CACNA1B: variants seen among roughly 807,000 people sequenced by gnomAD.
CACNA1B encodes voltage-dependent N-type calcium channel subunit alpha-1B.
CACNA1B carries 70 observed loss-of-function variants against 247.2 expected under a neutral mutation model. That is an observed-to-expected ratio of 0.28 (90% confidence interval 0.23 to 0.35). CACNA1B has a LOEUF of 0.35. Ranked by LOEUF, CACNA1B falls within the 10% of genes least tolerant of loss-of-function variation. CACNA1B has a pLI of 1.00. For missense variants in CACNA1B, 2,367 were observed against 3,197.4 expected (o/e 0.74, Z 6.26); for synonymous variants, 1,231 against 1,294.4 (o/e 0.95, Z 1.05).
intron 44 of CACNA1B, 57 bp downstream of exon 44, chr9:138,118,825 G>C: frequency 1.3e-6 from 1 of 777,838 alleles, no homozygotes; most frequent in Non-Finnish European, 2.1e-6. Context: ...GTGGGGAAGT[G>C]GGGCTGTGGC....
rs1283131270 is a variant in CACNA1B at position 138,118,654 on chromosome 9, TGTGGAC to T, written c.5919_5924del (p.Asp1974_Val1975del). ...CTAGGTGAGTGCTGTATCCACAGGC[TGTGGAC>T]GTTCAGATGCAGAGCATAACCCGGA... On this transcript the variant is annotated inframe_deletion, in exon 44 of 47. Transcript: ENST00000371372. 6.7e-7 allele frequency: 1 copy of T among 1,490,256 alleles called. No individual in the cohort carries two copies. The highest frequency in any genetic ancestry group is 9.2e-7 in the Non-Finnish European group (1 of 1,087,576). The allele number at this position is 1,490,256 out of a possible 1,614,324, so 92.3% of individuals were successfully genotyped here.
At chr9:137,890,791 G>A (rs1302638446) in intron 3 of CACNA1B, 1 of 150,022 alleles carries the variant, frequency 6.7e-6, no homozygotes, top group African/African-American at 2.4e-5. Context: ...AGAGTGTGGT[G>A]GGGACAGTGA....
chr9:137,956,019 T>C (rs1014021012), intron 8 of CACNA1B, among the ~76,000 whole-genome samples: 5 of 152,180 alleles, frequency 3.3e-5, no homozygotes, highest in Admixed American at 3.3e-4. Flanking sequence ...ACAGTGGCCT[T>C]TTAAATGGAG....
chr9:137,899,557 T>C lies in CACNA1B; in HGVS notation c.531-13623T>C, dbSNP rs759963806. Reference sequence around the variant, plus strand: ...CCCCTGTCCTTGCTTTGGAGCAGGCTAGGTGGCTCCCACTTCTTGGCCTGT... The same window carrying C: ...CCCCTGTCCTTGCTTTGGAGCAGGCCAGGTGGCTCCCACTTCTTGGCCTGT... On this transcript the variant is annotated intron_variant, in intron 3 of 46. Coordinates refer to ENST00000371372, the MANE Select transcript of CACNA1B (RefSeq NM_000718.4). This position sits in a 1 kb window ranked among gnomAD's most constrained non-coding sequence, Gnocchi z 5.0. Among the ~76,000 whole-genome samples the C allele has an allele frequency of 2.4e-4, 37 of 152,172 alleles. No homozygotes were observed. The highest frequency in any genetic ancestry group is 4.4e-4 in the Non-Finnish European group (30 of 68,018).
intron 6 of CACNA1B, among the ~76,000 whole-genome samples, chr9:137,948,688 G>A (rs553784129): frequency 4.0e-5 from 6 of 148,688 alleles, no homozygotes; most frequent in Non-Finnish European, 7.4e-5. Context: ...TGTGTGGTGT[G>A]CATGTGTGTG....
intron 15 of CACNA1B, among the ~76,000 whole-genome samples, chr9:137,988,100 T>C (rs1472984927): frequency 6.6e-6 from 1 of 152,246 alleles, no homozygotes; most frequent in Non-Finnish European, 1.5e-5. Flanking sequence ...TTCCAGACTT[T>C]GGTCTCCCAG....
chr9:138,038,591 G>C (rs1368970478), intron 20 of CACNA1B, among the ~76,000 whole-genome samples: 1 of 152,250 alleles, frequency 6.6e-6, no homozygotes, highest in African/African-American at 2.4e-5. Flanking sequence ...AGGAGAGCCA[G>C]CTCTCTGGCT....
intron 5 of CACNA1B, among the ~76,000 whole-genome samples, chr9:137,915,181 A>G (rs1317357321): frequency 1.3e-5 from 2 of 152,234 alleles, no homozygotes; most frequent in African/African-American, 2.4e-5. Context: ...TAGTAGTAGT[A>G]GTAGGTGCAA....
chr9:138,050,675 C>T lies in CACNA1B; in HGVS notation c.3710+1360C>T, dbSNP rs1959243352. 6.6e-6 allele frequency among the ~76,000 whole-genome samples: 1 copy of T among 152,156 alleles called. No individual in the cohort carries two copies. The highest frequency in any genetic ancestry group is 2.4e-5 in the African/African-American group (1 of 41,430). On this transcript the variant is annotated intron_variant, in intron 24 of 46. Transcript: ENST00000371372. This position sits in a 1 kb window ranked among gnomAD's most constrained non-coding sequence, Gnocchi z 5.2. Reference sequence around the variant, plus strand: ...TTCAGAGCAGGAGAAAAGGAGCAGGCCCCAGATGGACGCTCCCCCAGAAAG... The same window carrying T: ...TTCAGAGCAGGAGAAAAGGAGCAGGTCCCAGATGGACGCTCCCCCAGAAAG...
intron 35 of CACNA1B, among the ~76,000 whole-genome samples, 177 bp from the exon 36 acceptor site, chr9:138,077,937 T>A (rs1262686708): frequency 6.6e-6 from 1 of 152,238 alleles, no homozygotes; most frequent in Non-Finnish European, 1.5e-5. Context: ...ATGCTCAGTT[T>A]GGAAATCTAG....
At chr9:138,083,391 A>G (rs1020336572) in intron 36 of CACNA1B, among the ~76,000 whole-genome samples, 5 of 151,032 alleles carry the variant, frequency 3.3e-5, no homozygotes, top group African/African-American at 9.8e-5. Flanking sequence ...CTCCATGCCC[A>G]TAGGCCAGAG....
At chr9:137,926,654 G>A (rs541918171) in intron 6 of CACNA1B, among the ~76,000 whole-genome samples, 10 of 152,274 alleles carry the variant, frequency 6.6e-5, no homozygotes, top group African/African-American at 2.4e-4. Context: ...CCACCTTTTG[G>A]TGGGAATACA....
At position 138,058,340 on chromosome 9, in the gene CACNA1B, T is replaced by C; in HGVS notation, c.4308+90T>C. On this transcript the variant is annotated intron_variant, in intron 28 of 46. Coordinates refer to ENST00000371372, the MANE Select transcript of CACNA1B (RefSeq NM_000718.4). The surrounding 1 kb of genome is among the most constrained non-coding windows in gnomAD (Gnocchi z 4.7). Reference sequence around the variant, plus strand: ...TGCACACAAATCACTCACAGCTGGGTCAGCTTTGGCTGCCACCGTCTGCCA... The same window carrying C: ...TGCACACAAATCACTCACAGCTGGGCCAGCTTTGGCTGCCACCGTCTGCCA... The C allele has an allele frequency of 2.5e-6, 3 of 1,211,038 alleles. No individual in the cohort carries two copies. The highest frequency in any genetic ancestry group is 1.3e-5 in the South Asian group (1 of 78,636). 75.0% of individuals were successfully genotyped at this position (1,211,038 alleles called of 1,614,324 possible). A position where few individuals can be genotyped will look rare whatever the true frequency, so the allele number is the denominator to read the frequency against.
rs3816538 is a variant in CACNA1B, at chr9:138,115,905, G to C, written c.5777+226G>C. On this transcript the variant is annotated intron_variant, in intron 42 of 46. Coordinates refer to ENST00000371372, the MANE Select transcript of CACNA1B (RefSeq NM_000718.4). ...CCCCTAGGCCACATCTCAGTTCTCAGGGGCTGGCTTTGCTACAGATGCTTG... is the reference window on the plus strand; with the variant it reads ...CCCCTAGGCCACATCTCAGTTCTCACGGGCTGGCTTTGCTACAGATGCTTG... Among the ~76,000 whole-genome samples, 6,939 of 152,306 alleles carry C rather than the reference G, an allele frequency of 0.046. 270 individuals carry two copies. Among genetic ancestry groups the C allele is most frequent in the East Asian group, 0.17 (884 of 5,166 alleles).
In CACNA1B at chr9:138,121,997, T is replaced by C. The variant is rs950121824; in HGVS notation, c.7018T>C (p.Ter2340GlnextTer38). The change falls in exon 47 of 47, where the codon TAG becomes CAG. Residue 2340 changes from the stop codon to glutamine (Q), a stop_lost. Coordinates refer to ENST00000371372, the MANE Select transcript of CACNA1B (RefSeq NM_000718.4). This position sits in a 1 kb window ranked among gnomAD's most constrained non-coding sequence, Gnocchi z 6.8. The part of the protein sequence containing the change: ...YHHPDQDHWC[*>Q] ...CCACCCTGACCAAGACCACTGGTGC[T>C]AGCTGCACCGTGACCGCTCAGACGC... 4 of 1,596,264 alleles carry C rather than the reference T, an allele frequency of 2.5e-6. No individual in the cohort carries two copies. Among genetic ancestry groups the C allele is most frequent in the African/African-American group, 2.7e-5 (2 of 74,940 alleles).
chr9:137,892,772 C>A (rs950870602), intron 3 of CACNA1B, among the ~76,000 whole-genome samples: 2 of 152,220 alleles, frequency 1.3e-5, no homozygotes, highest in African/African-American at 2.4e-5. Context: ...GGGAGTACAG[C>A]GTGTGGGGAG....
chr9:137,970,917 A>AAACAGGCAGCCCATGCGTGCT (rs1958138635), intron 10 of CACNA1B, among the ~76,000 whole-genome samples: 3 of 152,340 alleles, frequency 2.0e-5, no homozygotes, highest in South Asian at 4.1e-4. Flanking sequence ...ACTGCTTAGA[A>AAACAGGCAGCCCATGCGTGCT]AACAGGCAGC....
At position 138,023,788 on chromosome 9, in the gene CACNA1B, G is replaced by C; in HGVS notation, c.3045G>C (p.Lys1015Asn). The C allele has an allele frequency of 6.8e-7, 1 of 1,469,282 alleles. No homozygotes were observed. The highest frequency in any genetic ancestry group is 9.3e-7 in the Non-Finnish European group (1 of 1,073,870). 91.0% of individuals were successfully genotyped at this position (1,469,282 alleles called of 1,614,324 possible). A position where few individuals can be genotyped will look rare whatever the true frequency, so the allele number is the denominator to read the frequency against. ...EAEIVEADKE[K>N]ELRNHQPREP... is the part of the protein sequence containing the mutation. The stretch of plus-strand genomic sequence containing the variant: ...AGATAGTGGAAGCCGACAAGGAAAA[G>C]GAGCTCCGGAACCACCAGCCCCGGT... The change falls in exon 19 of 47, where the codon AAG becomes AAC. Residue 1015 changes from lysine (K) to asparagine (N), a missense_variant. Lys to Asn is a moderately conservative substitution (Grantham distance 94, BLOSUM62 0). Transcript: ENST00000371372.
intron 20 of CACNA1B, among the ~76,000 whole-genome samples, chr9:138,032,266 T>A (rs1045627904): frequency 6.6e-6 from 1 of 152,160 alleles, no homozygotes; most frequent in Non-Finnish European, 1.5e-5. Flanking sequence ...TACCAGTTCA[T>A]GTGAAATATA....
Sources: allele counts gnomAD v4.1 joint callset (sites outside exome capture counted in the v4.1 genomes callset), GRCh38; gene constraint gnomAD v4.1.1; non-coding constraint Gnocchi (gnomAD v3.1); transcripts MANE v1.5; gene names NCBI Gene and HGNC (gene_info 2026-07-23, HGNC 2026-07-21).